The following CDC42BPA variants were observed in gnomAD, a reference collection of about 807,000 sequenced individuals.
CDC42BPA encodes CDC42 binding protein kinase alpha.
In CDC42BPA, 80 loss-of-function variants were observed where a neutral mutation model predicts 223.5. The observed-to-expected ratio is 0.36, with a 90% CI of 0.30 to 0.43. The LOEUF (loss-of-function observed/expected upper bound fraction) is 0.43, where lower values mean the gene tolerates loss of function less well. Ranked by LOEUF, CDC42BPA falls within the 20% of genes least tolerant of loss-of-function variation. The pLI is 1.00. For missense variants in CDC42BPA, 1,743 were observed against 2,099.9 expected, an observed-to-expected ratio of 0.83 and a Z score of 3.32; for synonymous variants, 694 against 718.6, an observed-to-expected ratio of 0.97 and a Z score of 0.55.
At chr1:227,078,209 C>A (rs1384337695) in intron 17 of CDC42BPA, among the ~76,000 whole-genome samples, 3 of 152,112 alleles carry the variant, frequency 2.0e-5, no homozygotes, top group African/African-American at 7.2e-5. Context: ...TCTAGTTTAA[C>A]TGATTATTCC....
intron 32 of CDC42BPA, among the ~76,000 whole-genome samples, chr1:227,019,498 C>T (rs1388400533): frequency 2.0e-5 from 3 of 152,286 alleles, no homozygotes; most frequent in Non-Finnish European, 4.4e-5. Context: ...TTCTTAATGG[C>T]ATCTAGAATG....
intron 32 of CDC42BPA, among the ~76,000 whole-genome samples, chr1:227,022,749 T>C (rs766622045): frequency 2.0e-4 from 30 of 152,196 alleles, no homozygotes; most frequent in Non-Finnish European, 3.5e-4. Flanking sequence ...CCTCCCCTCC[T>C]GTCTGTAACA....
chr1:227,180,206 A>C (rs775230400), intron 5 of CDC42BPA, among the ~76,000 whole-genome samples: 55 of 152,230 alleles, frequency 3.6e-4, no homozygotes, highest in Non-Finnish European at 5.6e-4. Context: ...ATTCCGTCAT[A>C]AATCAATCAA....
chr1:227,041,144 A>C (rs187209094), intron 23 of CDC42BPA, among the ~76,000 whole-genome samples: 2 of 152,174 alleles, frequency 1.3e-5, no homozygotes, highest in African/African-American at 4.8e-5. Flanking sequence ...AGTACTCAAA[A>C]AAAAATAATT....
chr1:227,060,307 T>C (rs1169353168), intron 21 of CDC42BPA, among the ~76,000 whole-genome samples: 1 of 152,174 alleles, frequency 6.6e-6, no homozygotes, highest in Non-Finnish European at 1.5e-5. Context: ...AATATTTTTG[T>C]GATGCTCCAG....
rs1279821322 is a variant in CDC42BPA, at chr1:226,993,641, A to G, written c.*627T>C. ...GAAACAACATATTTCTTTAAATTAA[A>G]TCATCTCTCTTATATATGCATCCAT... is the stretch of plus-strand genomic sequence containing the variant. On this transcript the variant is annotated 3_prime_UTR_variant, in exon 37 of 37. Coordinates refer to ENST00000366766, the MANE Select transcript of CDC42BPA (RefSeq NM_001394014.1). 6.5e-6 allele frequency: 1 copy of G among 152,678 alleles called. No individual in the cohort carries two copies. The highest frequency in any genetic ancestry group is 1.5e-5 in the Non-Finnish European group (1 of 68,062). The allele number at this position is 152,678 out of a possible 1,614,324, so 9.5% of individuals were successfully genotyped here.
At chr1:227,237,045 C>CAAA (rs11447987) in intron 2 of CDC42BPA, among the ~76,000 whole-genome samples, 4,416 of 83,938 alleles carry the variant, frequency 0.053, 217 homozygotes, top group Non-Finnish European at 0.073. Flanking sequence ...CCGGTCTCCA[C>CAAA]AAAAAAAAAA....
chr1:227,225,534 G>A (rs997853468), intron 2 of CDC42BPA, among the ~76,000 whole-genome samples: 8 of 152,072 alleles, frequency 5.3e-5, no homozygotes, highest in African/African-American at 1.9e-4. Flanking sequence ...ACATAAATAA[G>A]GAATTTAATA....
Position 227,185,671 on chromosome 1 carries a change from G to A in CDC42BPA, c.599+8115C>T, listed in dbSNP as rs554442216. On this transcript the variant is annotated intron_variant, in intron 5 of 36. Coordinates refer to ENST00000366766, the MANE Select transcript of CDC42BPA (RefSeq NM_001394014.1). ...CCCCTCCCTCTGTCTCTGTAGAGGCGAGCTTTTTCTTTCTTTCCTCCCCCT... is the reference window on the plus strand; with the variant it reads ...CCCCTCCCTCTGTCTCTGTAGAGGCAAGCTTTTTCTTTCTTTCCTCCCCCT... Among the ~76,000 whole-genome samples, 906 of 152,044 alleles carry A rather than the reference G, an allele frequency of 6.0e-3. 10 individuals are homozygous for A. The highest frequency in any genetic ancestry group is 0.021 in the African/African-American group (853 of 41,464).
intron 1 of CDC42BPA, among the ~76,000 whole-genome samples, chr1:227,273,566 A>G (rs1277799579): frequency 1.3e-5 from 2 of 151,956 alleles, no homozygotes; most frequent in Non-Finnish European, 2.9e-5. Flanking sequence ...CAACAACAAA[A>G]CAACTTTAAA....
At chr1:227,298,596 T>C (rs191691906) in intron 1 of CDC42BPA, among the ~76,000 whole-genome samples, 26 of 152,300 alleles carry the variant, frequency 1.7e-4, no homozygotes, top group Admixed American at 1.4e-3. Flanking sequence ...ACTGTTAATA[T>C]AGATTCATAC....
intron 1 of CDC42BPA, among the ~76,000 whole-genome samples, chr1:227,290,759 C>T (rs1689559412): frequency 6.6e-6 from 1 of 151,968 alleles, no homozygotes; most frequent in African/African-American, 2.4e-5. Context: ...GCATCCTTTC[C>T]TCTCTTACAC....
chr1:227,008,458 A>G (rs1664527818), intron 34 of CDC42BPA, among the ~76,000 whole-genome samples: 1 of 152,236 alleles, frequency 6.6e-6, no homozygotes, highest in South Asian at 2.1e-4. Flanking sequence ...AACAAGCAAT[A>G]AAGAAATGTA....
chr1:227,167,059 C>G (rs958991655), intron 5 of CDC42BPA, among the ~76,000 whole-genome samples: 4 of 152,094 alleles, frequency 2.6e-5, no homozygotes, highest in Admixed American at 1.3e-4. Context: ...ATTCTCTGTA[C>G]AAATAATTTG....
At chr1:227,240,109 A>G (rs904285198) in intron 2 of CDC42BPA, among the ~76,000 whole-genome samples, 1 of 152,122 alleles carries the variant, frequency 6.6e-6, no homozygotes, top group Admixed American at 6.5e-5. Context: ...TGATACAAAA[A>G]TCAACTATAT....
chr1:227,317,572 G>A lies in CDC42BPA; in HGVS notation c.-390C>T. 1 of 396,056 alleles carries A rather than the reference G, an allele frequency of 2.5e-6. No homozygotes were observed. The highest frequency in any genetic ancestry group is 4.4e-6 in the Non-Finnish European group (1 of 225,770). 24.5% of individuals were successfully genotyped at this position (396,056 alleles called of 1,614,324 possible). A position where few individuals can be genotyped will look rare whatever the true frequency, so the allele number is the denominator to read the frequency against. ...AATTCAACTCGTGCAACGTAATCCT[G>A]AAACGAATCCGGTTGCATCATTAAT... On this transcript the variant is annotated 5_prime_UTR_variant, in exon 1 of 37. The change creates a premature stop within an existing upstream ORF in the 5' untranslated region. Transcript: ENST00000366766.
intron 2 of CDC42BPA, among the ~76,000 whole-genome samples, chr1:227,229,261 G>GA (rs1270627468): frequency 4.6e-5 from 7 of 151,392 alleles, no homozygotes; most frequent in African/African-American, 7.3e-5. Flanking sequence ...CACACTGTTG[G>GA]AAAAAAAACT....
chr1:227,163,066 ATAAATG>A (rs1338927033), intron 5 of CDC42BPA, among the ~76,000 whole-genome samples: 5 of 52,812 alleles, frequency 9.5e-5, no homozygotes, highest in Admixed American at 3.1e-4. Context: ...GTTTCCAAAC[ATAAATG>A]TGTGTATGTT....
chr1:227,090,760 G>A (rs1183989992), intron 16 of CDC42BPA, among the ~76,000 whole-genome samples: 4 of 152,066 alleles, frequency 2.6e-5, no homozygotes, highest in African/African-American at 7.2e-5. Flanking sequence ...GCAGTGAGAC[G>A]AGATTGCACC....
Sources: gnomAD v4.1 joint callset for allele counts (sites outside exome capture counted in the v4.1 genomes callset) on GRCh38, gnomAD v4.1.1 for gene constraint, MANE v1.5 for transcripts, NCBI Gene and HGNC (gene_info 2026-07-23, HGNC 2026-07-21) for gene names.